ABCC4: variants seen among roughly 807,000 people sequenced by gnomAD.
ABCC4 encodes ATP-binding cassette sub-family C member 4.
ABCC4 carries 102 observed loss-of-function variants against 168.5 expected under a neutral mutation model. That is an observed-to-expected ratio of 0.61 (90% CI 0.52 to 0.71). ABCC4 has a LOEUF of 0.71. Among genes scored for constraint, ABCC4 ranks in the 30% least tolerant of loss-of-function variants. The probability of loss-of-function intolerance (pLI) is 0.00; values close to 1 mark genes in which losing one functional copy is unlikely to be tolerated. For synonymous variants in ABCC4, 617 were observed against 590.7 expected, an observed-to-expected ratio of 1.04 and a Z score of -0.65; for missense variants, 1,402 against 1,605.8, an observed-to-expected ratio of 0.87 and a Z score of 2.17.
At chr13:95,253,730 C>T (rs539043273) in intron 1 of ABCC4, among the ~76,000 whole-genome samples, 13 of 151,394 alleles carry the variant, frequency 8.6e-5, no homozygotes, top group African/African-American at 2.7e-4. Flanking sequence ...GGCGACAGAG[C>T]GAGACCCCAT....
chr13:95,243,417 A>C (rs2039998276), intron 3 of ABCC4, among the ~76,000 whole-genome samples: 1 of 152,250 alleles, frequency 6.6e-6, no homozygotes, highest in Non-Finnish European at 1.5e-5. Context: ...ACATCCGCCC[A>C]GACCATCAGT....
rs115448721 is a variant in ABCC4, at chr13:95,299,590, A to G, written c.74+1651T>C. Among the ~76,000 whole-genome samples the G allele has an allele frequency of 3.0e-3, 463 of 151,974 alleles. 3 individuals carry two copies. Among genetic ancestry groups the G allele is most frequent in the African/African-American group, 0.011 (447 of 41,438 alleles). ...ATTTTTTTTTAGCTCATCAGCTATC[A>G]TTAGTGTTAGTGTATGATTAGTGTT... On this transcript the variant is annotated intron_variant, in intron 1 of 30. Coordinates refer to ENST00000645237, the MANE Select transcript of ABCC4 (RefSeq NM_005845.5).
rs371124557 is a variant in ABCC4 at position 95,083,190 on chromosome 13, C to T, written c.2636G>A (p.Arg879Gln). 21 of 1,613,634 alleles carry T rather than the reference C, an allele frequency of 1.3e-5. No individual in the cohort carries two copies. Among genetic ancestry groups the T allele is most frequent in the Middle Eastern group, 1.6e-4 (1 of 6,078 alleles). Residue 879 changes from arginine to glutamine, a missense_variant, in exon 21 of 31, where the codon CGG becomes CAG. This residue lies in a region of ABCC4 where 1,007 missense variants were observed against 1,127.3 expected (regional missense o/e 0.89). Coordinates refer to ENST00000645237, the MANE Select transcript of ABCC4 (RefSeq NM_005845.5). ...VPLGIIFIFL[R>Q]RYFLETSRDV... Reference sequence around the variant, plus strand: ...TCTTGACGTTTCCAAAAAATATCGCCGAAGAAAAATGAAAATGATTCCAAG... The same window carrying T: ...TCTTGACGTTTCCAAAAAATATCGCTGAAGAAAAATGAAAATGATTCCAAG...
chr13:95,298,727 G>C (rs1314737714), intron 1 of ABCC4, among the ~76,000 whole-genome samples: 1 of 152,166 alleles, frequency 6.6e-6, no homozygotes, highest in African/African-American at 2.4e-5. Context: ...CAGTACAGCA[G>C]CTCCAAAGAG....
At chr13:95,028,167 T>C (rs2031639110) in intron 30 of ABCC4, among the ~76,000 whole-genome samples, 1 of 152,114 alleles carries the variant, frequency 6.6e-6, no homozygotes, top group South Asian at 2.1e-4. Context: ...AAAACAAAAA[T>C]GACAGGTACT....
chr13:95,130,740 A>C (rs1045230001), intron 19 of ABCC4, among the ~76,000 whole-genome samples: 4 of 152,174 alleles, frequency 2.6e-5, no homozygotes, highest in Non-Finnish European at 5.9e-5. Flanking sequence ...GAAAAAGAAA[A>C]ATCTTTGGTT....
At chr13:95,068,538 T>A (rs2033623914) in intron 25 of ABCC4, among the ~76,000 whole-genome samples, 1 of 151,946 alleles carries the variant, frequency 6.6e-6, no homozygotes, top group Non-Finnish European at 1.5e-5. Context: ...GGCAGGAGAA[T>A]CGCTTGAACC....
chr13:95,151,575 G>C lies in ABCC4; in HGVS notation c.2455+9614C>G, dbSNP rs9743370. 4.1e-5 allele frequency among the ~76,000 whole-genome samples: 6 copies of C among 147,050 alleles called. 1 individual carries two copies. Among genetic ancestry groups the C allele is most frequent in the African/African-American group, 1.3e-4 (5 of 39,062 alleles). The stretch of plus-strand genomic sequence containing the variant: ...GGAGGAGGAGGAGAAGGAGAAGAAG[G>C]AGGAGGAGAAGGAGAAGAAGGAGGA... On this transcript the variant is annotated intron_variant, in intron 19 of 30. Coordinates refer to ENST00000645237, the MANE Select transcript of ABCC4 (RefSeq NM_005845.5).
In ABCC4 at chr13:95,123,679, A is replaced by G. The variant is rs562634317; in HGVS notation, c.2456-7678T>C. On this transcript the variant is annotated intron_variant, in intron 19 of 30. Coordinates refer to ENST00000645237, the MANE Select transcript of ABCC4 (RefSeq NM_005845.5). ...CCCAGCCCTCTCTGAGTGTCTTATG[A>G]TCACACTGGTAGCAGGTTAATAGAT... 6.6e-5 allele frequency among the ~76,000 whole-genome samples: 10 copies of G among 152,274 alleles called. No individual in the cohort carries two copies. In the South Asian group the frequency reaches 2.1e-3, roughly 32 times the overall value.
At chr13:95,191,948 C>T (rs1330604601) in intron 9 of ABCC4, among the ~76,000 whole-genome samples, 1 of 152,340 alleles carries the variant, frequency 6.6e-6, no homozygotes, top group East Asian at 1.9e-4. Flanking sequence ...GGGCAGCACT[C>T]GACAGCTCAG....
chr13:95,280,055 C>T (rs542800638), intron 1 of ABCC4, among the ~76,000 whole-genome samples: 2 of 152,280 alleles, frequency 1.3e-5, no homozygotes, highest in East Asian at 1.9e-4. Flanking sequence ...GTCCCTGCGA[C>T]TCTGGGTGAG....
In ABCC4 at chr13:95,283,184, C is replaced by A. The variant is rs1220250261; in HGVS notation, c.74+18057G>T. Among the ~76,000 whole-genome samples, 3 of 150,962 alleles carry A rather than the reference C, an allele frequency of 2.0e-5. No individual in the cohort carries two copies. In the East Asian group the frequency reaches 6.1e-4, roughly 31 times the overall value. On this transcript the variant is annotated intron_variant, in intron 1 of 30. Coordinates refer to ENST00000645237, the MANE Select transcript of ABCC4 (RefSeq NM_005845.5). ...TGAGCTGAGATAGCGCCACTGCACT[C>A]CTGCCTGGGCAACAGAGCAAGACTC...
At chr13:95,208,292 AAAAG>A (rs916347722) in intron 6 of ABCC4, among the ~76,000 whole-genome samples, 12 of 151,400 alleles carry the variant, frequency 7.9e-5, no homozygotes, top group Non-Finnish European at 5.9e-5. Flanking sequence ...TGGGGAGCAG[AAAAG>A]AAAGGGCTGT....
At position 95,166,196 on chromosome 13, in the gene ABCC4, T is replaced by TAGAAGAG; in HGVS notation, c.1995_1996insCTCTTCT (p.Arg666LeufsTer3). On this transcript the variant is annotated frameshift_variant, in exon 15 of 31. Transcript: ENST00000645237. LOFTEE classifies it high-confidence loss of function. ...AGAGCACCATCTTTCAAGGAGGGTC[T>TAGAAGAG]AGAAGATTGTTGAGACCAAACCGAA... The TAGAAGAG allele has an allele frequency of 6.2e-7, 1 of 1,614,150 alleles. No homozygotes were observed. The highest frequency in any genetic ancestry group is 8.5e-7 in the Non-Finnish European group (1 of 1,180,016).
At chr13:95,119,101 T>C (rs1249430612) in intron 19 of ABCC4, among the ~76,000 whole-genome samples, 1 of 152,206 alleles carries the variant, frequency 6.6e-6, no homozygotes, top group Non-Finnish European at 1.5e-5. Flanking sequence ...ATTATCTGCA[T>C]ATCTCAGGGT....
chr13:95,038,946 G>T (rs2032243436), intron 29 of ABCC4, among the ~76,000 whole-genome samples: 1 of 152,146 alleles, frequency 6.6e-6, no homozygotes, highest in Non-Finnish European at 1.5e-5. Context: ...ATAGACAAGA[G>T]AGAGAAAAAG....
At chr13:95,230,897 T>A (rs1453561810) in intron 4 of ABCC4, among the ~76,000 whole-genome samples, 1 of 152,198 alleles carries the variant, frequency 6.6e-6, no homozygotes, top group Non-Finnish European at 1.5e-5. Context: ...CGGTGGCAGA[T>A]GAATGGATAA....
At chr13:95,147,885 T>A (rs1467891509) in intron 19 of ABCC4, among the ~76,000 whole-genome samples, 2 of 152,154 alleles carry the variant, frequency 1.3e-5, no homozygotes, top group Non-Finnish European at 2.9e-5. Flanking sequence ...GAGCTCTCAT[T>A]GTAAAACCAA....
chr13:95,234,550 T>C, intron 4 of ABCC4, 60 bp downstream of exon 4: 1 of 1,419,220 alleles, frequency 7.0e-7, no homozygotes, highest in Non-Finnish European at 9.9e-7. Flanking sequence ...ACATAAAACT[T>C]CCTCAGAATG....
Sources: allele counts gnomAD v4.1 joint callset (sites outside exome capture counted in the v4.1 genomes callset), GRCh38; gene constraint gnomAD v4.1.1; regional missense constraint gnomAD v4.1.1; transcripts MANE v1.5; gene names NCBI Gene and HGNC (gene_info 2026-07-23, HGNC 2026-07-21).